BRD10: variants seen among roughly 807,000 people sequenced by gnomAD.
BRD10 encodes the protein bromodomain containing 10, also known as uncharacterized bromodomain-containing protein 10.
At chr9:6,007,080 C>G in the BRD10 span, 429 of 1,062,744 alleles carry the variant, frequency 4.0e-4, 6 homozygotes, top group South Asian at 6.2e-3. Flanking sequence ...TCTCCAGCAC[C>G]GACTCAGCAC....
the BRD10 span, chr9:5,920,751 G>A: frequency 6.2e-7 from 1 of 1,613,914 alleles, no homozygotes; most frequent in Non-Finnish European, 8.5e-7. Flanking sequence ...GCAGGTGTAG[G>A]TAAGGCAACC....
chr9:5,960,322 G>C, the BRD10 span, among the ~76,000 whole-genome samples: 1 of 152,150 alleles, frequency 6.6e-6, no homozygotes, highest in African/African-American at 2.4e-5. Context: ...AGCACTTTGG[G>C]AGGCCGAGGT....
chr9:5,958,676 T>G, the BRD10 span, among the ~76,000 whole-genome samples: 1 of 152,208 alleles, frequency 6.6e-6, no homozygotes, highest in Non-Finnish European at 1.5e-5. Flanking sequence ...TTCAATGCTT[T>G]CCTAGATTTA....
At chr9:5,957,128 G>A in the BRD10 span, among the ~76,000 whole-genome samples, 1 of 152,094 alleles carries the variant, frequency 6.6e-6, no homozygotes, top group Non-Finnish European at 1.5e-5. Flanking sequence ...AACATTTATT[G>A]AGAACCTGCT....
chr9:5,928,011 G>C, the BRD10 span, among the ~76,000 whole-genome samples: 1 of 152,142 alleles, frequency 6.6e-6, no homozygotes, highest in Non-Finnish European at 1.5e-5. Context: ...GCATATCAAA[G>C]TTAACATGTT....
the BRD10 span, chr9:6,007,545 C>T: frequency 6.2e-7 from 1 of 1,613,070 alleles, no homozygotes; most frequent in Non-Finnish European, 8.5e-7. Context: ...TGCGGTAGCC[C>T]TGCTGTAGCT....
At chr9:5,964,701 A>G in the BRD10 span, among the ~76,000 whole-genome samples, 2 of 145,514 alleles carry the variant, frequency 1.4e-5, no homozygotes, top group African/African-American at 5.1e-5. Flanking sequence ...TGTGGCACAT[A>G]TACACCATGG....
chr9:5,959,493 G>A, the BRD10 span, among the ~76,000 whole-genome samples: 4 of 152,226 alleles, frequency 2.6e-5, no homozygotes, highest in African/African-American at 7.2e-5. Context: ...AACAGTGCCT[G>A]GCATACAATA....
At chr9:5,993,737 G>A in the BRD10 span, among the ~76,000 whole-genome samples, 1 of 152,098 alleles carries the variant, frequency 6.6e-6, no homozygotes, top group Admixed American at 6.6e-5. Flanking sequence ...CCTCCTATTG[G>A]CTGAACCCAA....
chr9:5,968,100 CA>C, the BRD10 span: 1 of 1,568,206 alleles, frequency 6.4e-7, no homozygotes, highest in Non-Finnish European at 8.7e-7. Flanking sequence ...GACTTGAATG[CA>C]AGAGAATGAA....
the BRD10 span, among the ~76,000 whole-genome samples, chr9:5,946,131 TAG>T: frequency 6.6e-6 from 1 of 152,066 alleles, no homozygotes; most frequent in Non-Finnish European, 1.5e-5. Context: ...TTTCTTCTAT[TAG>T]GTTAAACCAT....
chr9:5,987,164 A>C, the BRD10 span, among the ~76,000 whole-genome samples: 3 of 149,120 alleles, frequency 2.0e-5, no homozygotes, highest in East Asian at 1.9e-4. Context: ...AATAAACATT[A>C]GCCATTCTTT....
chr9:5,966,455 C>CT, the BRD10 span, among the ~76,000 whole-genome samples: 7,025 of 83,416 alleles, frequency 0.084, 1,102 homozygotes, highest in East Asian at 0.32. Flanking sequence ...CTAACATTTC[C>CT]TTTTTTTTTT....
At chr9:5,963,708 T>C in the BRD10 span, among the ~76,000 whole-genome samples, 2 of 151,954 alleles carry the variant, frequency 1.3e-5, no homozygotes, top group East Asian at 1.9e-4. Flanking sequence ...AAAACAGAGA[T>C]ATAGATCCAT....
the BRD10 span, among the ~76,000 whole-genome samples, chr9:5,895,559 A>C: frequency 1.3e-5 from 2 of 152,242 alleles, no homozygotes; most frequent in African/African-American, 4.8e-5. Flanking sequence ...AAGAAGGACT[A>C]CATACCTGCT....
At chr9:5,983,502 G>A in the BRD10 span, among the ~76,000 whole-genome samples, 2 of 152,130 alleles carry the variant, frequency 1.3e-5, no homozygotes, top group African/African-American at 4.8e-5. Context: ...AAATTACAAA[G>A]ATGATTAAGT....
chr9:5,947,357 T>A, the BRD10 span, among the ~76,000 whole-genome samples: 358 of 152,282 alleles, frequency 2.4e-3, 2 homozygotes, highest in Middle Eastern at 0.014. Flanking sequence ...ACTAAATGAC[T>A]ATGAATTATA....
chr9:5,889,529 G>A, the BRD10 span, among the ~76,000 whole-genome samples: 1 of 152,242 alleles, frequency 6.6e-6, no homozygotes, highest in Non-Finnish European at 1.5e-5. Context: ...GCTCATGCCT[G>A]TAATCCCAGC....
chr9:5,974,268 T>G, the BRD10 span, among the ~76,000 whole-genome samples: 2 of 152,188 alleles, frequency 1.3e-5, no homozygotes, highest in Non-Finnish European at 2.9e-5. Flanking sequence ...AAACTAGAAC[T>G]GCATAACCAG....
Sources: allele counts gnomAD v4.1 joint callset (sites outside exome capture counted in the v4.1 genomes callset), GRCh38; gene constraint gnomAD v4.1.1; transcripts MANE v1.5; gene names NCBI Gene and HGNC (gene_info 2026-07-23, HGNC 2026-07-21).